The following PGM5 variants were observed in gnomAD, a reference collection of about 807,000 sequenced individuals.
PGM5 encodes the protein phosphoglucomutase-like protein 5.
A neutral mutation model predicts 59.2 loss-of-function variants in PGM5; 23 were observed. That is an observed-to-expected ratio of 0.39 (90% CI 0.28 to 0.55). PGM5 has a LOEUF of 0.55. Ranked by LOEUF, PGM5 falls within the 20% of genes least tolerant of loss-of-function variation. PGM5 has a pLI of 0.66. For synonymous variants in PGM5, 214 were observed against 286.0 expected (o/e 0.75, Z 2.54); for missense variants, 574 against 748.3 (o/e 0.77, Z 2.72).
intron 1 of PGM5, among the ~76,000 whole-genome samples, chr9:68,367,445 C>G (rs183902818): frequency 9.9e-5 from 15 of 152,272 alleles, no homozygotes; most frequent in African/African-American, 1.4e-4. Flanking sequence ...AGAGACTCCA[C>G]GCTAATCTGC....
Position 68,465,108 on chromosome 9 carries a change from G to A in PGM5, c.1059G>A (p.Met353Ile), listed in dbSNP as rs782118501. The change falls in exon 7 of 11, where the codon ATG becomes ATA. Residue 353 changes from methionine (M) to isoleucine (I), a missense_variant. By Grantham distance (10) the Met-to-Ile change is conservative. Transcript: ENST00000396396. ...CATTTTTCAGAGTGGCCAAATCAATGAAGGTCCCTGTATATGAGACCCCAG... is the reference window on the plus strand; with the variant it reads ...CATTTTTCAGAGTGGCCAAATCAATAAAGGTCCCTGTATATGAGACCCCAG... The part of the protein sequence containing the change: ...SMALDRVAKS[M>I]KVPVYETPAG... 6.9e-6 allele frequency: 11 copies of A among 1,605,150 alleles called. No homozygotes were observed. In the Middle Eastern group the frequency reaches 5.0e-4, roughly 73 times the overall value.
At chr9:68,424,450 A>G (rs906986878) in intron 6 of PGM5, among the ~76,000 whole-genome samples, 2 of 152,162 alleles carry the variant, frequency 1.3e-5, no homozygotes, top group African/African-American at 4.8e-5. Flanking sequence ...GGCTTCTTTT[A>G]TAAGGGCTCT....
At chr9:68,386,671 C>G (rs1295600817) in intron 3 of PGM5, among the ~76,000 whole-genome samples, 2 of 151,924 alleles carry the variant, frequency 1.3e-5, no homozygotes, top group Non-Finnish European at 2.9e-5. Context: ...AAGCAGGGCT[C>G]CTGGACAAAT....
rs1824079764 is a variant in PGM5 at position 68,474,907 on chromosome 9, A to G, written c.1160-4511A>G. ...AATGCATATTATTAAGCAAAAGAAG[A>G]CAATAAAAAAATACATACTAGATGA... On this transcript the variant is annotated intron_variant, in intron 7 of 10. Coordinates refer to ENST00000396396, the MANE Select transcript of PGM5 (RefSeq NM_021965.4). 2.0e-5 allele frequency among the ~76,000 whole-genome samples: 3 copies of G among 149,274 alleles called. No individual in the cohort carries two copies. The South Asian group carries it at 6.5e-4, about 32-fold the overall frequency.
rs1824246232 is a variant in PGM5, at chr9:68,484,041, A to G, written c.1472A>G (p.Lys491Arg). Reference sequence around the variant, plus strand: ...GACCCTGTGGATGGCACTGTGACCAAGAAACAGGTACTTGCTAGGAAATCA... The same window carrying G: ...GACCCTGTGGATGGCACTGTGACCAGGAAACAGGTACTTGCTAGGAAATCA... ...YVDPVDGTVT[K>R]KQGLRIIFSD... The change falls in exon 9 of 11, where the codon AAG becomes AGG. Residue 491 changes from lysine to arginine, a missense_variant. By Grantham distance (26) the Lys-to-Arg change is conservative. Transcript: ENST00000396396. 3 of 1,612,858 alleles carry G rather than the reference A, an allele frequency of 1.9e-6. No homozygotes were observed. Among genetic ancestry groups the G allele is most frequent in the Non-Finnish European group, 2.5e-6 (3 of 1,179,796 alleles).
chr9:68,361,678 A>T (rs2131971423), intron 1 of PGM5, among the ~76,000 whole-genome samples: 1 of 152,292 alleles, frequency 6.6e-6, no homozygotes, highest in South Asian at 2.1e-4. Flanking sequence ...CACTAATTCC[A>T]ATCATGAGGG....
In PGM5 at chr9:68,356,925, A is replaced by G. The variant is rs183839312; in HGVS notation, c.-203A>G. The G allele has an allele frequency of 5.3e-5, 24 of 455,624 alleles. No homozygotes were observed. Among genetic ancestry groups the G allele is most frequent in the East Asian group, 3.4e-4 (9 of 26,304 alleles). 28.2% of individuals were successfully genotyped at this position (455,624 alleles called of 1,614,324 possible). ...GAAGGCAGAAGCAATCTCTGCCGAG[A>G]GAGTCAGCCGAGCGGCCGCGCGGAG... On this transcript the variant is annotated 5_prime_UTR_variant, in exon 1 of 11. Transcript: ENST00000396396.
rs1490918625 is a variant in PGM5 at position 68,456,466 on chromosome 9, A to C, written c.1044-8627A>C. 4.1e-5 allele frequency among the ~76,000 whole-genome samples: 6 copies of C among 145,602 alleles called. No homozygotes were observed. In the South Asian group the frequency reaches 1.3e-3, roughly 31 times the overall value. Reference sequence around the variant, plus strand: ...GCTGGGACTACAGGTGCCTGCCACCACGCCTGGCTAATTTTTTTTTTTTTT... The same window carrying C: ...GCTGGGACTACAGGTGCCTGCCACCCCGCCTGGCTAATTTTTTTTTTTTTT... On this transcript the variant is annotated intron_variant, in intron 6 of 10. Coordinates refer to ENST00000396396, the MANE Select transcript of PGM5 (RefSeq NM_021965.4).
chr9:68,487,446 T>C (rs1221861210), intron 9 of PGM5, among the ~76,000 whole-genome samples: 2 of 121,468 alleles, frequency 1.6e-5, no homozygotes, highest in African/African-American at 8.1e-5. Flanking sequence ...TCTCTCTCTC[T>C]CTGTGTCACA....
chr9:68,494,235 T>A (rs1053884438), intron 9 of PGM5, among the ~76,000 whole-genome samples: 12 of 151,416 alleles, frequency 7.9e-5, no homozygotes, highest in Non-Finnish European at 1.0e-4. Flanking sequence ...AAAAAAAAAA[T>A]AATAATGTCA....
chr9:68,442,945 G>GT (rs1298635208), intron 6 of PGM5, among the ~76,000 whole-genome samples: 8 of 152,148 alleles, frequency 5.3e-5, no homozygotes, highest in African/African-American at 1.9e-4. Flanking sequence ...CTGTCATATA[G>GT]TACTGATGGA....
At chr9:68,489,669 G>A (rs1554687769) in intron 9 of PGM5, among the ~76,000 whole-genome samples, 1 of 151,854 alleles carries the variant, frequency 6.6e-6, no homozygotes, top group East Asian at 1.9e-4. Context: ...GTTTTACCAT[G>A]TTGGCCAGTC....
intron 7 of PGM5, among the ~76,000 whole-genome samples, chr9:68,476,613 C>T (rs1824110259): frequency 6.6e-6 from 1 of 152,202 alleles, no homozygotes; most frequent in African/African-American, 2.4e-5. Flanking sequence ...CCAGTGGAAA[C>T]ATCTGTGTAA....
intron 7 of PGM5, among the ~76,000 whole-genome samples, chr9:68,470,854 C>T (rs1554686176): frequency 6.6e-6 from 1 of 152,158 alleles, no homozygotes; most frequent in Non-Finnish European, 1.5e-5. Flanking sequence ...AGGCTGAGTG[C>T]ATGTGTGCAT....
chr9:68,487,447 C>CTG (rs138391220), intron 9 of PGM5, among the ~76,000 whole-genome samples: 38 of 146,726 alleles, frequency 2.6e-4, no homozygotes, highest in Admixed American at 1.1e-3. Context: ...CTCTCTCTCT[C>CTG]TGTGTCACAC....
intron 6 of PGM5, among the ~76,000 whole-genome samples, chr9:68,455,155 C>T (rs1469347060): frequency 6.6e-6 from 1 of 152,180 alleles, no homozygotes; most frequent in Non-Finnish European, 1.5e-5. Context: ...CTGCGTCATC[C>T]ATTGGGTCAC....
intron 6 of PGM5, chr9:68,395,626 A>G (rs1162513740): frequency 6.6e-6 from 1 of 152,162 alleles, no homozygotes; most frequent in Non-Finnish European, 1.5e-5. Flanking sequence ...CATGTATTTC[A>G]TAATTTTTAA....
At chr9:68,414,774 A>G (rs1211566524) in intron 6 of PGM5, among the ~76,000 whole-genome samples, 2 of 150,302 alleles carry the variant, frequency 1.3e-5, no homozygotes, top group Admixed American at 6.6e-5. Context: ...TGGGCAAAAA[A>G]GGCTTCAGAG....
intron 6 of PGM5, among the ~76,000 whole-genome samples, chr9:68,458,225 T>C (rs1453947967): frequency 2.6e-5 from 4 of 152,218 alleles, no homozygotes; most frequent in African/African-American, 9.6e-5. Flanking sequence ...CAAGTTTTTC[T>C]TCTTTCAATT....
Sources: allele counts gnomAD v4.1 joint callset (sites outside exome capture counted in the v4.1 genomes callset), GRCh38; gene constraint gnomAD v4.1.1; transcripts MANE v1.5; gene names NCBI Gene and HGNC (gene_info 2026-07-23, HGNC 2026-07-21).